Variants in CNPY1 observed in about 807,000 individuals in gnomAD.
CNPY1 encodes the protein protein canopy homolog 1.
In CNPY1, 14 loss-of-function variants were observed where a neutral mutation model predicts 14.4. The observed-to-expected ratio is 0.97, with a 90% CI of 0.64 to 1.52. The LOEUF is 1.52. Ranked by LOEUF, CNPY1 falls within the 40% of genes most tolerant of loss-of-function variation. The pLI is 0.00. For synonymous variants in CNPY1, 43 were observed against 46.5 expected (o/e 0.92, Z 0.31); for missense variants, 129 against 131.5 (o/e 0.98, Z 0.09).
At chr7:155,539,967 TTTC>T (rs903608486) in intron 2 of CNPY1, among the ~76,000 whole-genome samples, 76 of 152,206 alleles carry the variant, frequency 5.0e-4, no homozygotes, top group African/African-American at 1.6e-3. Flanking sequence ...GAACACAGAT[TTTC>T]TTCTTATGTG....
chr7:155,542,975 G>A (rs12537480), intron 2 of CNPY1, among the ~76,000 whole-genome samples: 11,060 of 151,714 alleles, frequency 0.073, 571 homozygotes, highest in East Asian at 0.16. Context: ...GCACAGTGCC[G>A]AGAGGCCACT....
intron 2 of CNPY1, chr7:155,518,723 T>C (rs771451920): frequency 6.6e-5 from 10 of 152,234 alleles, no homozygotes; most frequent in Admixed American, 1.3e-4. Flanking sequence ...CTTCGTGTCA[T>C]TATTTTCTCT....
chr7:155,540,642 C>T (rs11533868), intron 2 of CNPY1, among the ~76,000 whole-genome samples: 63,471 of 152,152 alleles, frequency 0.42, 15,322 homozygotes, highest in East Asian at 0.68. Context: ...AGGCAGAGGA[C>T]GCCCCTGAGC....
chr7:155,542,226 A>G (rs1797092529), intron 2 of CNPY1, among the ~76,000 whole-genome samples: 1 of 151,940 alleles, frequency 6.6e-6, no homozygotes, highest in African/African-American at 2.4e-5. Context: ...GCAGGCAGGG[A>G]AGGCGGAGCT....
intron 2 of CNPY1, among the ~76,000 whole-genome samples, chr7:155,524,109 C>T (rs554195387): frequency 6.6e-6 from 1 of 152,298 alleles, no homozygotes; most frequent in South Asian, 2.1e-4. Flanking sequence ...CTGCGTAAGA[C>T]ATCTGGATTG....
intron 2 of CNPY1, among the ~76,000 whole-genome samples, chr7:155,526,587 G>A (rs112972831): frequency 0.026 from 3,920 of 152,200 alleles, 78 homozygotes; most frequent in Middle Eastern, 0.055. Flanking sequence ...TACACACCTC[G>A]AAATAAGAAA....
rs928854858 is a variant in CNPY1, at chr7:155,536,645, C to T, written c.99+9186G>A. On this transcript the variant is annotated intron_variant, in intron 2 of 4. Transcript: ENST00000636446. The surrounding 1 kb of genome is among the most constrained non-coding windows in gnomAD (Gnocchi z 4.1). ...CCACAGAATCCTCCATGCTCTCTCTCCCCATCCACCTGCTGGATGAACAGG... is the reference window on the plus strand; with the variant it reads ...CCACAGAATCCTCCATGCTCTCTCTTCCCATCCACCTGCTGGATGAACAGG... Among the ~76,000 whole-genome samples, 5 of 152,182 alleles carry T rather than the reference C, an allele frequency of 3.3e-5. No individual in the cohort carries two copies. The highest frequency in any genetic ancestry group is 7.3e-5 in the Non-Finnish European group (5 of 68,032).
intron 2 of CNPY1, among the ~76,000 whole-genome samples, chr7:155,545,453 A>G (rs1053340689): frequency 6.6e-6 from 1 of 152,212 alleles, no homozygotes; most frequent in Admixed American, 6.5e-5. Context: ...AAATCTGCAC[A>G]TCTTGCAGTG....
In CNPY1 at chr7:155,507,117, C is replaced by G; in HGVS notation, c.304-1G>C. 1 of 1,572,932 alleles carries G rather than the reference C, an allele frequency of 6.4e-7. No individual in the cohort carries two copies. The highest frequency in any genetic ancestry group is 8.7e-7 in the Non-Finnish European group (1 of 1,144,258). ...CATACTCTTCTATTATAGTTTCACACTGTAGAAACATAATAACAACATATG... is the reference window on the plus strand; with the variant it reads ...CATACTCTTCTATTATAGTTTCACAGTGTAGAAACATAATAACAACATATG... On this transcript the variant is annotated splice_acceptor_variant, in intron 3 of 4. Transcript: ENST00000636446. LOFTEE classifies it high-confidence loss of function.
chr7:155,529,776 C>CTT (rs55718141), intron 2 of CNPY1, among the ~76,000 whole-genome samples: 62 of 146,474 alleles, frequency 4.2e-4, no homozygotes, highest in South Asian at 1.3e-3. Context: ...AGTTTCTTTT[C>CTT]TTTTTTTTTT....
At chr7:155,506,985 C>G in intron 4 of CNPY1, 35 bp downstream of exon 4, 1 of 1,358,432 alleles carries the variant, frequency 7.4e-7, no homozygotes. Context: ...AGAGGGTGTG[C>G]GAGCAGCGAG....
At chr7:155,514,648 A>C (rs913572828) in intron 2 of CNPY1, among the ~76,000 whole-genome samples, 1 of 152,214 alleles carries the variant, frequency 6.6e-6, no homozygotes. Flanking sequence ...TAATCCCAGC[A>C]CTTTGGAAGG....
intron 2 of CNPY1, chr7:155,533,708 G>A (rs1019788759): frequency 6.6e-6 from 1 of 152,218 alleles, no homozygotes; most frequent in African/African-American, 2.4e-5. Context: ...ATAGCTATGG[G>A]ATTAAGGCGA....
At chr7:155,520,520 C>G (rs1449462022) in intron 2 of CNPY1, among the ~76,000 whole-genome samples, 1 of 145,826 alleles carries the variant, frequency 6.9e-6, no homozygotes, top group African/African-American at 2.5e-5. Flanking sequence ...TCACTGCAAC[C>G]TCCGCCTCCC....
At chr7:155,524,853 G>A (rs1332522575) in intron 2 of CNPY1, among the ~76,000 whole-genome samples, 4 of 126,754 alleles carry the variant, frequency 3.2e-5, no homozygotes, top group East Asian at 2.5e-4. Context: ...GTTGGGGACC[G>A]CTGCTCTAAG....
rs146589341 is a variant in CNPY1 at position 155,531,037 on chromosome 7, C to T, written c.99+14794G>A. Among the ~76,000 whole-genome samples the T allele has an allele frequency of 2.6e-3, 391 of 152,374 alleles. 2 individuals are homozygous for T. Among genetic ancestry groups the T allele is most frequent in the African/African-American group, 8.8e-3 (368 of 41,592 alleles). ...CTCTCCAGTCTGATGGTCTCCCTGC[C>T]TTGGCCTTCCGCATAGTTTTGTTCA... On this transcript the variant is annotated intron_variant, in intron 2 of 4. Coordinates refer to ENST00000636446, the MANE Select transcript of CNPY1 (RefSeq NM_001393663.1).
chr7:155,533,923 C>A (rs1796986572), intron 2 of CNPY1: 1 of 152,112 alleles, frequency 6.6e-6, no homozygotes, highest in Non-Finnish European at 1.5e-5. Flanking sequence ...CTCCCCACAT[C>A]CCCTGGGGAC....
In CNPY1 at chr7:155,527,700, C is replaced by T. The variant is rs903775991; in HGVS notation, c.99+18131G>A. 3.6e-4 allele frequency among the ~76,000 whole-genome samples: 54 copies of T among 152,092 alleles called. 1 individual carries two copies. The highest frequency in any genetic ancestry group is 1.2e-3 in the African/African-American group (51 of 41,494). Reference sequence around the variant, plus strand: ...ATCCTGAGTTCAAGCTATCCTCCCGCCTTGGCCTCCCAAAGTGCTAGGATT... The same window carrying T: ...ATCCTGAGTTCAAGCTATCCTCCCGTCTTGGCCTCCCAAAGTGCTAGGATT... On this transcript the variant is annotated intron_variant, in intron 2 of 4. Coordinates refer to ENST00000636446, the MANE Select transcript of CNPY1 (RefSeq NM_001393663.1).
intron 3 of CNPY1, 21 bp downstream of exon 3, chr7:155,508,873 T>A (rs1361742382): frequency 3.1e-6 from 5 of 1,611,092 alleles, no homozygotes; most frequent in Non-Finnish European, 4.2e-6. Context: ...ATACGATTCA[T>A]CTGCAAGGAA....
Sources: allele counts gnomAD v4.1 joint callset (sites outside exome capture counted in the v4.1 genomes callset), GRCh38; gene constraint gnomAD v4.1.1; non-coding constraint Gnocchi (gnomAD v3.1); transcripts MANE v1.5; gene names NCBI Gene and HGNC (gene_info 2026-07-23, HGNC 2026-07-21).